KIF26B: variants seen among roughly 807,000 people sequenced by gnomAD.
KIF26B encodes kinesin family member 26B, also known as kinesin-like protein KIF26B.
KIF26B carries 63 observed loss-of-function variants against 151.2 expected under a neutral mutation model. The ratio of observed to expected loss-of-function variants is 0.42; its 90% confidence interval spans 0.34 to 0.51. The LOEUF (loss-of-function observed/expected upper bound fraction) is 0.51. Ranked by LOEUF, KIF26B falls within the 20% of genes least tolerant of loss-of-function variation. KIF26B has a pLI of 0.07. For missense variants in KIF26B, 2,813 were observed against 2,913.6 expected (o/e 0.97, Z 0.79); for synonymous variants, 1,357 against 1,262.1 (o/e 1.08, Z -1.59).
intron 4 of KIF26B, among the ~76,000 whole-genome samples, chr1:245,502,317 A>C (rs1460020427): frequency 1.3e-5 from 2 of 152,088 alleles, no homozygotes; most frequent in African/African-American, 4.8e-5. Flanking sequence ...TCATGAGGTC[A>C]AGAGTTTGAG....
intron 2 of KIF26B, among the ~76,000 whole-genome samples, chr1:245,312,569 C>T (rs370993054): frequency 6.6e-6 from 1 of 152,024 alleles, no homozygotes; most frequent in East Asian, 1.9e-4. Context: ...CCTTGCCTCA[C>T]ATTCTCACAC....
intron 2 of KIF26B, among the ~76,000 whole-genome samples, chr1:245,266,512 TTTC>T (rs1265978107): frequency 6.6e-6 from 1 of 151,952 alleles, no homozygotes; most frequent in Non-Finnish European, 1.5e-5. Context: ...TCTTTCTTTC[TTTC>T]TTTTTTTTTT....
Position 245,620,526 on chromosome 1 carries a change from C to T in KIF26B, c.2098+8550C>T, listed in dbSNP as rs571733934. 3.7e-3 allele frequency among the ~76,000 whole-genome samples: 570 copies of T among 152,210 alleles called. 4 individuals carry two copies. The highest frequency in any genetic ancestry group is 0.013 in the African/African-American group (527 of 41,530). ...GTGATCCTCCCACTTCAGCCTCCCA[C>T]GTAGCTGGGGCAACAGGTGCGCACC... On this transcript the variant is annotated intron_variant, in intron 9 of 14. Coordinates refer to ENST00000407071, the MANE Select transcript of KIF26B (RefSeq NM_018012.4).
chr1:245,702,792 T>TCAAA lies in KIF26B; in HGVS notation c.*189_*192dup, dbSNP rs1302314537. 16 of 584,998 alleles carry TCAAA rather than the reference T, an allele frequency of 2.7e-5. No homozygotes were observed. Among genetic ancestry groups the TCAAA allele is most frequent in the African/African-American group, 5.5e-5 (3 of 54,206 alleles). The allele number at this position is 584,998 out of a possible 1,614,324, so 36.2% of individuals were successfully genotyped here. A position where few individuals can be genotyped will look rare whatever the true frequency, so the allele number is the denominator to read the frequency against. On this transcript the variant is annotated 3_prime_UTR_variant, in exon 15 of 15. Coordinates refer to ENST00000407071, the MANE Select transcript of KIF26B (RefSeq NM_018012.4). The surrounding 1 kb of genome is among the most constrained non-coding windows in gnomAD (Gnocchi z 4.1). ...GTTTTCTGTAGGAAAGGTGCAAACG[T>TCAAA]CAAACACCGTGGAAGGAGAAAAGGA... is the stretch of plus-strand genomic sequence containing the variant.
At chr1:245,408,717 G>A (rs1422817647) in intron 3 of KIF26B, among the ~76,000 whole-genome samples, 1 of 152,012 alleles carries the variant, frequency 6.6e-6, no homozygotes, top group African/African-American at 2.4e-5. Flanking sequence ...GAAGAGGGTG[G>A]CTCTACTTGA....
At chr1:245,383,911 G>C (rs1673476201) in intron 3 of KIF26B, among the ~76,000 whole-genome samples, 1 of 152,116 alleles carries the variant, frequency 6.6e-6, no homozygotes, top group Non-Finnish European at 1.5e-5. Flanking sequence ...CGTGTGCCTG[G>C]GTTGCTAAAA....
At position 245,707,210 on chromosome 1, in the gene KIF26B, A is replaced by G. The variant is rs552916375; in HGVS notation, c.*4604A>G. ...GTGGCCCTACCCAGAACCTGCAGCA[A>G]TGTCATAACACTGGACACAGTGCGG... On this transcript the variant is annotated 3_prime_UTR_variant, in exon 15 of 15. Transcript: ENST00000407071. 1 of 152,300 alleles carries G rather than the reference A, an allele frequency of 6.6e-6. No individual in the cohort carries two copies. The highest frequency in any genetic ancestry group is 1.9e-4 in the East Asian group (1 of 5,176). 9.4% of individuals were successfully genotyped at this position (152,300 alleles called of 1,614,324 possible). A position where few individuals can be genotyped will look rare whatever the true frequency, so the allele number is the denominator to read the frequency against.
chr1:245,588,865 T>C (rs1468638341), intron 5 of KIF26B, among the ~76,000 whole-genome samples: 1 of 152,046 alleles, frequency 6.6e-6, no homozygotes. Flanking sequence ...GGGAAAGAAT[T>C]GGGGTAACTG....
rs1301395697 is a variant in KIF26B at position 245,670,539 on chromosome 1, A to G, written c.2259-13694A>G. Among the ~76,000 whole-genome samples the G allele has an allele frequency of 5.3e-5, 8 of 150,404 alleles. No individual in the cohort carries two copies. In the Admixed American group the frequency reaches 5.3e-4, roughly 10 times the overall value. ...AATAAATGTCTCATTTAAAAAAAAA[A>G]GAATTGAAAGCAGGAAATGAAACAG... is the stretch of plus-strand genomic sequence containing the variant. On this transcript the variant is annotated intron_variant, in intron 10 of 14. Coordinates refer to ENST00000407071, the MANE Select transcript of KIF26B (RefSeq NM_018012.4).
At chr1:245,513,387 AG>A (rs775420908) in intron 4 of KIF26B, among the ~76,000 whole-genome samples, 4 of 152,116 alleles carry the variant, frequency 2.6e-5, no homozygotes, top group Non-Finnish European at 5.9e-5. Context: ...AAAATACTAG[AG>A]TCAAGGTGAA....
chr1:245,370,621 T>G (rs1263509412), intron 3 of KIF26B: 1 of 456,570 alleles, frequency 2.2e-6, no homozygotes, highest in Non-Finnish European at 4.4e-6. Flanking sequence ...GTTAGAAGAC[T>G]CGGCGGCTGC....
chr1:245,439,944 A>G (rs475555), intron 4 of KIF26B, among the ~76,000 whole-genome samples: 117,824 of 152,168 alleles, frequency 0.77, 45,818 homozygotes, highest in East Asian at 0.95. Flanking sequence ...CTGACAGGCC[A>G]GGTGCGGTGG....
At chr1:245,272,593 T>C (rs1670872346) in intron 2 of KIF26B, among the ~76,000 whole-genome samples, 2 of 152,124 alleles carry the variant, frequency 1.3e-5, no homozygotes, top group Non-Finnish European at 2.9e-5. Context: ...CTTTTTCTAG[T>C]TTCTTCAGTT....
rs1660485762 is a variant in KIF26B, at chr1:245,495,047, A to G, written c.1167-45720A>G. On this transcript the variant is annotated intron_variant, in intron 4 of 14. Transcript: ENST00000407071. The surrounding 1 kb of genome is among the most constrained non-coding windows in gnomAD (Gnocchi z 4.2). ...TCTCACAAAAGAGAAAAGAAAAGAA[A>G]AGAAATAAAGAAAAGAAAAGAAAGA... 6.6e-6 allele frequency among the ~76,000 whole-genome samples: 1 copy of G among 152,132 alleles called. No homozygotes were observed. Among genetic ancestry groups the G allele is most frequent in the South Asian group, 2.1e-4 (1 of 4,830 alleles).
At chr1:245,248,437 G>C (rs759013244) in intron 2 of KIF26B, among the ~76,000 whole-genome samples, 8 of 152,168 alleles carry the variant, frequency 5.3e-5, no homozygotes, top group Non-Finnish European at 1.0e-4. Context: ...AGCATTTCCT[G>C]TATGAAGATA....
rs188930496 is a variant in KIF26B, at chr1:245,171,599, A to G, written c.465+14916A>G. On this transcript the variant is annotated intron_variant, in intron 2 of 14. Coordinates refer to ENST00000407071, the MANE Select transcript of KIF26B (RefSeq NM_018012.4). ...CACTATCCTATGTCAATTGAAATAA[A>G]GGCCATTAGTTTTTAACACTGTATA... Among the ~76,000 whole-genome samples, 450 of 152,350 alleles carry G rather than the reference A, an allele frequency of 3.0e-3. 3 individuals carry two copies. The highest frequency in any genetic ancestry group is 0.014 in the South Asian group (69 of 4,832).
intron 9 of KIF26B, among the ~76,000 whole-genome samples, chr1:245,638,753 T>C (rs1001768122): frequency 4.5e-4 from 69 of 152,012 alleles, no homozygotes; most frequent in African/African-American, 1.5e-3. Flanking sequence ...TCATATATTT[T>C]CCTTGATTCT....
intron 6 of KIF26B, among the ~76,000 whole-genome samples, chr1:245,605,880 G>A (rs1254370295): frequency 1.3e-5 from 2 of 152,164 alleles, no homozygotes; most frequent in Non-Finnish European, 2.9e-5. Flanking sequence ...GGGTGACTCA[G>A]TGTGGTCCAC....
At chr1:245,272,393 C>T (rs1670868038) in intron 2 of KIF26B, among the ~76,000 whole-genome samples, 1 of 151,876 alleles carries the variant, frequency 6.6e-6, no homozygotes, top group Non-Finnish European at 1.5e-5. Flanking sequence ...AGACCCGCCC[C>T]CTTCATCTCT....
Sources: gnomAD v4.1 joint callset for allele counts (sites outside exome capture counted in the v4.1 genomes callset) on GRCh38, gnomAD v4.1.1 for gene constraint, Gnocchi (gnomAD v3.1) non-coding constraint, MANE v1.5 for transcripts, NCBI Gene and HGNC (gene_info 2026-07-23, HGNC 2026-07-21) for gene names.